FBXL7: variants seen among roughly 807,000 people sequenced by gnomAD.
FBXL7 encodes F-box/LRR-repeat protein 7.
FBXL7 carries 12 observed loss-of-function variants against 38.3 expected under a neutral mutation model. The ratio of observed to expected loss-of-function variants is 0.31; its 90% CI spans 0.20 to 0.51. The LOEUF (loss-of-function observed/expected upper bound fraction) is 0.51, where lower values mean the gene tolerates loss of function less well. FBXL7 is among the 20% of genes least tolerant of loss of function. FBXL7 has a pLI of 0.98. For synonymous variants in FBXL7, 297 were observed against 300.9 expected (o/e 0.99, Z 0.13); for missense variants, 567 against 676.4 (o/e 0.84, Z 1.79).
At chr5:15,818,807 T>C (rs1443642018) in intron 2 of FBXL7, among the ~76,000 whole-genome samples, 1 of 151,334 alleles carries the variant, frequency 6.6e-6, no homozygotes, top group Non-Finnish European at 1.5e-5. Flanking sequence ...AAGAAGAACA[T>C]ATTAGTTATT....
intron 2 of FBXL7, among the ~76,000 whole-genome samples, chr5:15,643,026 T>G (rs1452394207): frequency 1.3e-5 from 2 of 152,236 alleles, no homozygotes; most frequent in Admixed American, 6.5e-5. Flanking sequence ...ATGAATCCTT[T>G]TATGTGTTTA....
At chr5:15,776,161 CAG>C (rs1477668193) in intron 2 of FBXL7, among the ~76,000 whole-genome samples, 2 of 151,934 alleles carry the variant, frequency 1.3e-5, no homozygotes, top group African/African-American at 4.8e-5. Flanking sequence ...TAAAACATAA[CAG>C]AAAGAAATCA....
intron 2 of FBXL7, among the ~76,000 whole-genome samples, chr5:15,802,461 T>C (rs1391518421): frequency 1.3e-5 from 2 of 150,098 alleles, no homozygotes; most frequent in Admixed American, 1.3e-4. Context: ...TGTCCAGCCA[T>C]GTATCTCTCT....
intron 2 of FBXL7, among the ~76,000 whole-genome samples, chr5:15,856,475 T>C (rs1022173806): frequency 2.6e-5 from 4 of 151,718 alleles, no homozygotes; most frequent in African/African-American, 9.7e-5. Context: ...GGTGATGAAA[T>C]AATCTGCACA....
At chr5:15,648,443 G>T (rs1741606021) in intron 2 of FBXL7, among the ~76,000 whole-genome samples, 1 of 152,146 alleles carries the variant, frequency 6.6e-6, no homozygotes, top group South Asian at 2.1e-4. Context: ...TACCATGAAG[G>T]TTTTATTTTT....
intron 2 of FBXL7, among the ~76,000 whole-genome samples, chr5:15,798,836 G>A (rs1017817525): frequency 4.6e-5 from 7 of 152,048 alleles, no homozygotes; most frequent in African/African-American, 9.7e-5. Flanking sequence ...TATATCAGAA[G>A]TTCTAGATTC....
intron 2 of FBXL7, among the ~76,000 whole-genome samples, chr5:15,672,356 G>A (rs989496376): frequency 6.6e-5 from 10 of 152,042 alleles, no homozygotes; most frequent in African/African-American, 2.4e-4. Context: ...TATCCTCAAC[G>A]TTTATTTTAT....
intron 2 of FBXL7, among the ~76,000 whole-genome samples, chr5:15,682,614 A>T (rs1358430805): frequency 2.6e-5 from 4 of 152,040 alleles, no homozygotes; most frequent in Non-Finnish European, 5.9e-5. Context: ...TTTTTATAGC[A>T]CATTGTTCTA....
chr5:15,877,176 T>G (rs1157989774), intron 2 of FBXL7, among the ~76,000 whole-genome samples: 1 of 152,182 alleles, frequency 6.6e-6, no homozygotes, highest in Admixed American at 6.5e-5. Context: ...TATCTGCAAC[T>G]CTTGACATTT....
rs74358503 is a variant in FBXL7, at chr5:15,577,359, G to T, written c.38-38624G>T. Among the ~76,000 whole-genome samples, 1,007 of 152,218 alleles carry T rather than the reference G, an allele frequency of 6.6e-3. 36 individuals are homozygous for T. Among genetic ancestry groups the T allele is most frequent in the East Asian group, 4.8e-3 (25 of 5,174 alleles). ...GGCATTTATTTTCTTCCCCATGTGAGTGTGAGCTTCCTGTGAGTGCCACTG... is the reference window on the plus strand; with the variant it reads ...GGCATTTATTTTCTTCCCCATGTGATTGTGAGCTTCCTGTGAGTGCCACTG... On this transcript the variant is annotated intron_variant, in intron 1 of 3. Transcript: ENST00000504595.
At chr5:15,602,378 TG>T (rs59282506) in intron 1 of FBXL7, 41,337 of 151,768 alleles carry the variant, frequency 0.27, 6,791 homozygotes, top group South Asian at 0.46. Context: ...GAGGGGATAG[TG>T]CTTATTAGAA....
At chr5:15,578,041 C>T (rs1040527011) in intron 1 of FBXL7, among the ~76,000 whole-genome samples, 5 of 152,250 alleles carry the variant, frequency 3.3e-5, no homozygotes, top group South Asian at 4.2e-4. Flanking sequence ...GGATGTAACA[C>T]GGGAACACAG....
chr5:15,581,889 G>A (rs951483457), intron 1 of FBXL7, among the ~76,000 whole-genome samples: 10 of 152,064 alleles, frequency 6.6e-5, no homozygotes, highest in African/African-American at 2.4e-4. Context: ...TTGCAATCTG[G>A]ACATGGTCTT....
At chr5:15,665,974 A>T (rs1742261751) in intron 2 of FBXL7, among the ~76,000 whole-genome samples, 1 of 152,154 alleles carries the variant, frequency 6.6e-6, no homozygotes, top group South Asian at 2.1e-4. Flanking sequence ...ATCTATATCT[A>T]TACAAAGAGA....
intron 2 of FBXL7, among the ~76,000 whole-genome samples, chr5:15,718,535 G>C (rs1390203673): frequency 6.6e-6 from 1 of 152,164 alleles, no homozygotes; most frequent in African/African-American, 2.4e-5. Context: ...ACCTCTGCCT[G>C]TTAAATAAGC....
At chr5:15,564,649 C>T (rs569437458) in intron 1 of FBXL7, among the ~76,000 whole-genome samples, 1 of 152,048 alleles carries the variant, frequency 6.6e-6, no homozygotes, top group African/African-American at 2.4e-5. Flanking sequence ...TTTAACTGCT[C>T]TGTGATTTCA....
Position 15,711,903 on chromosome 5 carries a change from ACAG to A in FBXL7, c.127+95835_127+95837del, listed in dbSNP as rs1211362340. ...TTGCAAGCATAAAACAGATATATTAACAGCAGTAATACAGGTATAACATTTTTT... is the reference window on the plus strand; with the variant it reads ...TTGCAAGCATAAAACAGATATATTAACAGTAATACAGGTATAACATTTTTT... On this transcript the variant is annotated intron_variant, in intron 2 of 3. Coordinates refer to ENST00000504595, the MANE Select transcript of FBXL7 (RefSeq NM_012304.5). Among the ~76,000 whole-genome samples, 3 of 152,220 alleles carry A rather than the reference ACAG, an allele frequency of 2.0e-5. No individual in the cohort carries two copies. In the East Asian group the frequency reaches 5.8e-4, roughly 29 times the overall value.
At chr5:15,902,806 G>C (rs867537395) in intron 2 of FBXL7, among the ~76,000 whole-genome samples, 2 of 152,322 alleles carry the variant, frequency 1.3e-5, no homozygotes, top group East Asian at 1.9e-4. Flanking sequence ...TCAGTCCTTC[G>C]GGGTGGATTC....
rs201691246 is a variant in FBXL7 at position 15,802,491 on chromosome 5, A to T, written c.128-125399A>T. Among the ~76,000 whole-genome samples the T allele has an allele frequency of 3.3e-5, 5 of 151,740 alleles. No individual in the cohort carries two copies. The East Asian group carries it at 9.8e-4, about 30-fold the overall frequency. The stretch of plus-strand genomic sequence containing the variant: ...CTCTCTCCTTTGACCATGCTAGCTT[A>T]GCCCCGCCTCAGGACAGTGGCACTG... On this transcript the variant is annotated intron_variant, in intron 2 of 3. Coordinates refer to ENST00000504595, the MANE Select transcript of FBXL7 (RefSeq NM_012304.5).
Sources: allele counts gnomAD v4.1 joint callset (sites outside exome capture counted in the v4.1 genomes callset), GRCh38; gene constraint gnomAD v4.1.1; transcripts MANE v1.5; gene names NCBI Gene and HGNC (gene_info 2026-07-23, HGNC 2026-07-21).